Variants in SYNE2 observed in about 807,000 individuals in gnomAD.
The protein encoded by SYNE2 is nesprin-2.
In SYNE2, 431 loss-of-function variants were observed where a neutral mutation model predicts 856.3. The observed-to-expected ratio is 0.50, with a 90% CI of 0.47 to 0.55. The LOEUF (loss-of-function observed/expected upper bound fraction) is 0.55. Among genes scored for constraint, SYNE2 ranks in the 20% least tolerant of loss-of-function variants. The pLI is 0.00. For synonymous variants in SYNE2, 2,923 were observed against 2,872.3 expected (o/e 1.02, Z -0.56); for missense variants, 8,129 against 8,023.2 (o/e 1.01, Z -0.50).
chr14:64,083,211 AT>A (rs1029357147), intron 57 of SYNE2, among the ~76,000 whole-genome samples: 1 of 148,558 alleles, frequency 6.7e-6, no homozygotes, highest in East Asian at 2.0e-4. Context: ...ATTTCTACCC[AT>A]TTTTTTTTCT....
intron 28 of SYNE2, among the ~76,000 whole-genome samples, chr14:64,000,995 G>A (rs529896137): frequency 6.6e-6 from 1 of 152,272 alleles, no homozygotes; most frequent in East Asian, 1.9e-4. Context: ...TCTTTCCACT[G>A]TCTCTTTTGG....
chr14:63,843,133 C>T (rs1890124458), intron 1 of SYNE2, among the ~76,000 whole-genome samples: 1 of 152,000 alleles, frequency 6.6e-6, no homozygotes, highest in Non-Finnish European at 1.5e-5. Context: ...ACCTCCCAGG[C>T]TCAAGTGATC....
At chr14:63,871,463 C>T (rs554484899) in intron 1 of SYNE2, among the ~76,000 whole-genome samples, 1 of 152,176 alleles carries the variant, frequency 6.6e-6, no homozygotes, top group African/African-American at 2.4e-5. Context: ...CTGCCTCAGC[C>T]TCCCAAAGTG....
At chr14:64,152,452 T>TTATA in intron 84 of SYNE2, 112 bp from the exon 85 acceptor site, 1 of 1,015,770 alleles carries the variant, frequency 9.8e-7, no homozygotes, top group Non-Finnish European at 1.5e-6. Flanking sequence ...TGCTATTTAA[T>TTATA]TATATAATCT....
chr14:64,063,332 G>C lies in SYNE2; in HGVS notation c.10212+437G>C, dbSNP rs1008182249. Among the ~76,000 whole-genome samples, 145 of 152,338 alleles carry C rather than the reference G, an allele frequency of 9.5e-4. 1 individual carries two copies. The highest frequency in any genetic ancestry group is 3.3e-3 in the African/African-American group (139 of 41,572). ...CAAAGTGCTGGGATTATAGGCGCGA[G>C]CCACTGCGCCTGGCCTTATGTAATA... On this transcript the variant is annotated intron_variant, in intron 50 of 115. Transcript: ENST00000555002.
intron 88 of SYNE2, among the ~76,000 whole-genome samples, chr14:64,163,092 CTGTT>C (rs1478144325): frequency 2.0e-5 from 3 of 152,170 alleles, no homozygotes; most frequent in African/African-American, 4.8e-5. Flanking sequence ...GATACCTAAA[CTGTT>C]TGACAACTGA....
chr14:63,896,096 C>T (rs951218470), intron 1 of SYNE2, among the ~76,000 whole-genome samples: 1 of 152,104 alleles, frequency 6.6e-6, no homozygotes, highest in African/African-American at 2.4e-5. Flanking sequence ...TGCTAGAGAT[C>T]GGCTGTAGCA....
At chr14:64,195,490 C>CA (rs1267058526) in intron 99 of SYNE2, among the ~76,000 whole-genome samples, 1 of 152,214 alleles carries the variant, frequency 6.6e-6, no homozygotes, top group Non-Finnish European at 1.5e-5. Context: ...TTCCTGTTTA[C>CA]ACTGAATTGC....
intron 8 of SYNE2, chr14:63,960,619 T>C (rs938110437): frequency 1.0e-4 from 59 of 589,636 alleles, no homozygotes; most frequent in Middle Eastern, 2.6e-4. Flanking sequence ...TTTTTTTTTT[T>C]CCAATAATCT....
In SYNE2 at chr14:64,167,600, C is replaced by T. The variant is rs1390325865; in HGVS notation, c.16866C>T (p.Asn5622=). Residue 5622 remains asparagine (N), a synonymous_variant, in exon 92 of 116, where the codon AAC becomes AAT. Transcript: ENST00000555002. ...IEEALKVDVA[N]SLPELLEQQK... is the part of the protein sequence containing the mutation. ...AAGCACTCAAAGTGGATGTGGCTAA[C>T]AGCCTTCCTGAGCTCCTGGAGCAGC... The T allele has an allele frequency of 6.2e-7, 1 of 1,614,226 alleles. No individual in the cohort carries two copies. Among genetic ancestry groups the T allele is most frequent in the Admixed American group, 1.7e-5 (1 of 60,024 alleles).
In SYNE2 at chr14:64,141,948, A is replaced by T; in HGVS notation, c.15166A>T (p.Met5056Leu). The T allele has an allele frequency of 6.2e-7, 1 of 1,614,044 alleles. No homozygotes were observed. Among genetic ancestry groups the T allele is most frequent in the Non-Finnish European group, 8.5e-7 (1 of 1,179,972 alleles). The part of the protein sequence containing the change: ...DIQEKLHQLQ[M>L]EKLPSRKAIT... ...AATCATTTTGTTCTTACAGCTTCAA[A>T]TGGAGAAATTGCCGTCTCGTAAAGC... The change falls in exon 82 of 116, where the codon ATG becomes TTG. Residue 5056 changes from methionine to leucine, a missense_variant. Met to Leu is a conservative substitution (Grantham distance 15). Around this residue, in one of 3 missense-constraint regions of SYNE2, gnomAD observed 5,410 missense variants for 5,284.8 expected, o/e 1.02. Transcript: ENST00000555002.
rs772427851 is a variant in SYNE2, at chr14:64,002,956, C to T, written c.4023C>T (p.Pro1341=). 5 of 1,614,010 alleles carry T rather than the reference C, an allele frequency of 3.1e-6. No homozygotes were observed. Among genetic ancestry groups the T allele is most frequent in the African/African-American group, 1.3e-5 (1 of 74,904 alleles). Residue 1341 remains proline (P), a synonymous_variant, in exon 30 of 116, where the codon CCC becomes CCT. Transcript: ENST00000555002. ...GAACAGCTAAACTCTCTGCTGAGCC[C>T]GTTACAGACCTTTCAGCCTCAGATA... ...SLRTAKLSAE[P]VTDLSASDTQ...
In SYNE2 at chr14:64,052,736, G is replaced by C. The variant is rs559913411; in HGVS notation, c.8823G>C (p.Lys2941Asn). ...IQNTCNEVEH[K>N]IKFCRQFHEK... ...ATACATGTAATGAAGTGGAACACAA[G>C]ATAAAGTTTTGCAGACAATTCCATG... Residue 2941 changes from lysine (K) to asparagine (N), a missense_variant, in exon 48 of 116, where the codon AAG becomes AAC. Transcript: ENST00000555002. 9 of 1,613,422 alleles carry C rather than the reference G, an allele frequency of 5.6e-6. No individual in the cohort carries two copies. Among genetic ancestry groups the C allele is most frequent in the Non-Finnish European group, 6.8e-6 (8 of 1,179,652 alleles).
chr14:64,125,805 T>C (rs2097939344), intron 71 of SYNE2, among the ~76,000 whole-genome samples: 1 of 152,202 alleles, frequency 6.6e-6, no homozygotes, highest in Non-Finnish European at 1.5e-5. Flanking sequence ...ACCTAAGCCT[T>C]GATTCTCACA....
chr14:64,174,925 C>T lies in SYNE2; in HGVS notation c.17236-19C>T. 1.2e-6 allele frequency: 2 copies of T among 1,611,248 alleles called. No homozygotes were observed. The highest frequency in any genetic ancestry group is 1.1e-5 in the South Asian group (1 of 90,986). On this transcript the variant is annotated intron_variant, in intron 94 of 115. Transcript: ENST00000555002. ...ACACATCAGAAACCTAAGCAAATTA[C>T]TTCTCTTTTTTTTCTTAGAATAAAG...
chr14:63,894,801 C>CTA (rs2095217480), intron 1 of SYNE2, among the ~76,000 whole-genome samples: 1 of 152,174 alleles, frequency 6.6e-6, no homozygotes, highest in Non-Finnish European at 1.5e-5. Flanking sequence ...CTGTTCCATA[C>CTA]TACCCTAGAA....
rs199648093 is a variant in SYNE2, at chr14:63,941,913, A to G, written c.266A>G (p.Gln89Arg). The G allele has an allele frequency of 6.8e-6, 11 of 1,613,422 alleles. No individual in the cohort carries two copies. Among genetic ancestry groups the G allele is most frequent in the Non-Finnish European group, 9.3e-6 (11 of 1,179,968 alleles). The change falls in exon 5 of 116, where the codon CAG becomes CGG. Residue 89 changes from glutamine to arginine, a missense_variant. Gln to Arg is a conservative substitution (Grantham distance 43). Around this residue, in one of 3 missense-constraint regions of SYNE2, gnomAD observed 2,422 missense variants for 2,357.4 expected, o/e 1.03. Transcript: ENST00000555002. ...CGGGATAAAGGATCTAATACCTTCC[A>G]GTGTAGAATCAATATAGAACATGCC... ...LPRDKGSNTF[Q>R]CRINIEHALT...
At chr14:64,209,904 CTG>C (rs774538871) in intron 102 of SYNE2, 36 bp from the exon 103 acceptor site, 1 of 1,613,678 alleles carries the variant, frequency 6.2e-7, no homozygotes, top group South Asian at 1.1e-5. Context: ...TCCTGGCACT[CTG>C]CATGCTTTGG....
At chr14:63,831,858 A>G (rs979700527) in intron 1 of SYNE2, among the ~76,000 whole-genome samples, 1 of 152,070 alleles carries the variant, frequency 6.6e-6, no homozygotes, top group Non-Finnish European at 1.5e-5. Flanking sequence ...TATAATGTTC[A>G]TTCTTCTAAG....
Sources: gnomAD v4.1 joint callset for allele counts (sites outside exome capture counted in the v4.1 genomes callset) on GRCh38, gnomAD v4.1.1 for gene constraint, gnomAD v4.1.1 regional missense constraint, MANE v1.5 for transcripts, NCBI Gene and HGNC (gene_info 2026-07-23, HGNC 2026-07-21) for gene names.